The following DMD variants were observed in gnomAD, a reference collection of about 807,000 sequenced individuals.
DMD encodes the protein mutant dystrophin.
DMD carries 63 observed loss-of-function variants against 330.1 expected under a neutral mutation model. The ratio of observed to expected loss-of-function variants is 0.19; its 90% CI spans 0.16 to 0.24. The LOEUF is 0.24. DMD is among the 10% of genes least tolerant of loss of function. DMD has a pLI of 1.00. For missense variants in DMD, 3,344 were observed against 2,684.1 expected (o/e 1.25, Z -5.43); for synonymous variants, 1,223 against 959.8 (o/e 1.27, Z -5.07).
chrX:33,009,450 G>A (rs796812706), intron 2 of DMD, among the ~76,000 whole-genome samples: 2 of 77,382 alleles, frequency 2.6e-5, no homozygotes, highest in Non-Finnish European at 4.7e-5. Flanking sequence ...ACATATGTAT[G>A]TATGTGTATA....
chrX:32,917,172 C>A (rs1382407066), intron 2 of DMD, among the ~76,000 whole-genome samples: 2 of 88,159 alleles, frequency 2.3e-5, no homozygotes, highest in African/African-American at 4.6e-5. Flanking sequence ...CCCCCCCCCA[C>A]ATCCCCCAGC....
chrX:32,805,489 T>A (rs1313544265), intron 7 of DMD, among the ~76,000 whole-genome samples: 2 of 111,413 alleles, frequency 1.8e-5, no homozygotes, highest in Non-Finnish European at 1.9e-5. Flanking sequence ...TAAGTTTGAT[T>A]AGTATACCTG....
rs766404366 is a variant in DMD, at chrX:32,638,384, G to C, written c.1331+5748C>G. Among the ~76,000 whole-genome samples, 6 of 112,045 alleles carry C rather than the reference G, an allele frequency of 5.4e-5. No individual in the cohort carries two copies. In the South Asian group the frequency reaches 2.2e-3, roughly 41 times the overall value. On this transcript the variant is annotated intron_variant, in intron 11 of 78. Coordinates refer to ENST00000357033, the MANE Select transcript of DMD (RefSeq NM_004006.3). Reference sequence around the variant, plus strand: ...AGATATCTAAGTAGAGGTTTACAAAGAAGTTGAGATTTCTACTCTGTCTTA... The same window carrying C: ...AGATATCTAAGTAGAGGTTTACAAACAAGTTGAGATTTCTACTCTGTCTTA...
intron 1 of DMD, among the ~76,000 whole-genome samples, chrX:33,122,035 G>C (rs1363754236): frequency 9.0e-6 from 1 of 111,718 alleles, no homozygotes; most frequent in East Asian, 2.8e-4. Context: ...AGACCAGCCT[G>C]GCCAACAGGG....
intron 63 of DMD, among the ~76,000 whole-genome samples, chrX:31,245,672 A>G (rs1440295317): frequency 9.0e-6 from 1 of 111,425 alleles, no homozygotes; most frequent in Admixed American, 9.6e-5. Flanking sequence ...CATTATTTTT[A>G]TATCTATTAT....
chrX:32,023,872 G>A (rs2095825669), intron 44 of DMD, among the ~76,000 whole-genome samples: 1 of 111,302 alleles, frequency 9.0e-6, no homozygotes, highest in Non-Finnish European at 1.9e-5. Context: ...GCTTAAAAGT[G>A]GGAGCTAAAC....
chrX:32,730,006 T>C (rs895816810), intron 7 of DMD, among the ~76,000 whole-genome samples: 1 of 111,735 alleles, frequency 8.9e-6, no homozygotes, highest in Non-Finnish European at 1.9e-5. Context: ...TTTTTGGCTT[T>C]GGGAAACTGC....
intron 9 of DMD, among the ~76,000 whole-genome samples, chrX:32,682,802 C>G (rs1015565185): frequency 5.4e-5 from 6 of 111,610 alleles, no homozygotes; most frequent in African/African-American, 2.0e-4. Context: ...ACTAGTTGTG[C>G]TCGTGAGTTG....
chrX:33,214,948 C>T (rs1322278477), upstream of DMD, among the ~76,000 whole-genome samples: 5 of 112,452 alleles, frequency 4.4e-5, no homozygotes, highest in East Asian at 2.8e-4. Flanking sequence ...CCACCACACT[C>T]GGCCAGTTTG....
chrX:33,298,351 C>T (rs1441970119), intron 1 of DMD, among the ~76,000 whole-genome samples: 4 of 111,604 alleles, frequency 3.6e-5, no homozygotes, highest in Admixed American at 2.9e-4. Context: ...CAATTTCCTT[C>T]TATTAAGACC....
At chrX:32,343,630 G>C (rs1269315604) in intron 39 of DMD, among the ~76,000 whole-genome samples, 3 of 111,132 alleles carry the variant, frequency 2.7e-5, no homozygotes, top group Non-Finnish European at 5.7e-5. Context: ...GACTTAACTA[G>C]ATACAAACTC....
intron 23 of DMD, 44 bp downstream of exon 23, chrX:32,468,454 A>G (rs1291673286): frequency 1.4e-5 from 15 of 1,091,198 alleles, no homozygotes; most frequent in African/African-American, 7.3e-5. Context: ...TAGGGAAAAA[A>G]CAAGTAAATA....
intron 61 of DMD, among the ~76,000 whole-genome samples, chrX:31,343,837 TA>T (rs1448480735): frequency 9.1e-6 from 1 of 110,281 alleles, no homozygotes; most frequent in Non-Finnish European, 1.9e-5. Context: ...CAGGCCTGTC[TA>T]AAAAAAAGTA....
At chrX:32,074,964 A>G (rs1000860841) in intron 44 of DMD, among the ~76,000 whole-genome samples, 28 of 111,132 alleles carry the variant, frequency 2.5e-4, no homozygotes, top group African/African-American at 9.2e-4. Flanking sequence ...CCTAAAACTT[A>G]TATTTACATT....
chrX:32,829,345 T>C (rs2078988319), intron 4 of DMD, among the ~76,000 whole-genome samples: 1 of 111,988 alleles, frequency 8.9e-6, no homozygotes, highest in South Asian at 3.7e-4. Context: ...CCACTTATTC[T>C]TATCTCAATT....
chrX:32,518,767 G>A (rs1234153642), intron 17 of DMD, among the ~76,000 whole-genome samples: 3 of 110,628 alleles, frequency 2.7e-5, no homozygotes, highest in Non-Finnish European at 5.7e-5. Flanking sequence ...GAAGCATGGG[G>A]CACCAGGCAT....
chrX:31,193,520 T>G (rs1005958716), intron 67 of DMD, among the ~76,000 whole-genome samples: 12 of 112,202 alleles, frequency 1.1e-4, no homozygotes, highest in African/African-American at 3.6e-4. Context: ...GCCACCATTA[T>G]GCAACCACCA....
chrX:33,002,405 A>T (rs781485021), intron 2 of DMD, among the ~76,000 whole-genome samples: 2 of 111,085 alleles, frequency 1.8e-5, no homozygotes, highest in Non-Finnish European at 3.8e-5. Context: ...CTGGGGTCCA[A>T]ATACCCTCTA....
At chrX:33,183,857 G>C (rs893459635) in intron 1 of DMD, among the ~76,000 whole-genome samples, 1 of 111,145 alleles carries the variant, frequency 9.0e-6, no homozygotes, top group African/African-American at 3.3e-5. Context: ...AAGCAGTGTG[G>C]GTTTAATTTG....
Sources: gnomAD v4.1 joint callset for allele counts (sites outside exome capture counted in the v4.1 genomes callset) on GRCh38, gnomAD v4.1.1 for gene constraint, MANE v1.5 for transcripts, NCBI Gene and HGNC (gene_info 2026-07-23, HGNC 2026-07-21) for gene names.